CHRNA9: variants seen among roughly 807,000 people sequenced by gnomAD.
CHRNA9 encodes the protein cholinergic receptor nicotinic alpha 9 subunit.
A neutral mutation model predicts 36.8 loss-of-function variants in CHRNA9; 24 were observed. The ratio of observed to expected loss-of-function variants is 0.65; its 90% confidence interval spans 0.47 to 0.92. CHRNA9 has a LOEUF of 0.92. Ranked by LOEUF, CHRNA9 falls within the 40% of genes least tolerant of loss-of-function variation. The probability of loss-of-function intolerance (pLI) is 0.00; values close to 1 mark genes in which losing one functional copy is unlikely to be tolerated. For synonymous variants in CHRNA9, 231 were observed against 231.8 expected (o/e 1.00, Z 0.03); for missense variants, 610 against 601.2 (o/e 1.01, Z -0.15).
At chr4:40,346,566 C>T (rs1305286918) in intron 3 of CHRNA9, among the ~76,000 whole-genome samples, 1 of 152,174 alleles carries the variant, frequency 6.6e-6, no homozygotes, top group Non-Finnish European at 1.5e-5. Context: ...ATTCTCACTT[C>T]TCAGATAGCT....
chr4:40,343,286 G>A (rs916185978), intron 3 of CHRNA9, among the ~76,000 whole-genome samples: 2 of 152,162 alleles, frequency 1.3e-5, no homozygotes, highest in Non-Finnish European at 2.9e-5. Context: ...CCCAAGACTG[G>A]GTAATTTATA....
chr4:40,346,920 C>T (rs967658319), intron 3 of CHRNA9, among the ~76,000 whole-genome samples: 6 of 152,154 alleles, frequency 3.9e-5, no homozygotes, highest in East Asian at 1.9e-4. Context: ...AAGTGATTCT[C>T]TTGCCTCAGC....
intron 3 of CHRNA9, among the ~76,000 whole-genome samples, chr4:40,345,987 T>G (rs1361424638): frequency 1.3e-5 from 2 of 152,232 alleles, no homozygotes; most frequent in Non-Finnish European, 2.9e-5. Context: ...ATGGCGCCAC[T>G]GTACTCCAGC....
Position 40,354,463 on chromosome 4 carries a change from GATT to G in CHRNA9, c.1384_1386del (p.Ile462del). The G allele has an allele frequency of 6.2e-7, 1 of 1,614,114 alleles. No homozygotes were observed. Among genetic ancestry groups the G allele is most frequent in the Non-Finnish European group, 8.5e-7 (1 of 1,179,964 alleles). ...AAGTCATAGACCGATTCTTCATGTGGATTTTTTTCATTATGGTGTTTGTGATGA... is the reference window on the plus strand; with the variant it reads ...AAGTCATAGACCGATTCTTCATGTGGTTTTTCATTATGGTGTTTGTGATGA... On this transcript the variant is annotated inframe_deletion, in exon 5 of 5. Transcript: ENST00000310169.
intron 3 of CHRNA9, chr4:40,347,679 C>T (rs576367830): frequency 6.6e-6 from 1 of 152,250 alleles, no homozygotes; most frequent in East Asian, 1.9e-4. Context: ...CTAATGTTAC[C>T]TCTTACGTAA....
intron 3 of CHRNA9, among the ~76,000 whole-genome samples, chr4:40,343,577 G>GT (rs1712560109): frequency 6.6e-6 from 1 of 152,200 alleles, no homozygotes; most frequent in Non-Finnish European, 1.5e-5. Context: ...TGAGATTTGG[G>GT]TGGGGACACA....
chr4:40,344,356 T>C (rs1319308130), intron 3 of CHRNA9, among the ~76,000 whole-genome samples: 14 of 152,050 alleles, frequency 9.2e-5, no homozygotes, highest in Admixed American at 9.2e-4. Flanking sequence ...CATGGCAAGA[T>C]TCCCGTCTCT....
intron 3 of CHRNA9, among the ~76,000 whole-genome samples, chr4:40,346,519 A>G (rs1408319480): frequency 2.0e-5 from 3 of 152,184 alleles, no homozygotes. Flanking sequence ...GCACCAAGGA[A>G]GTAGGATGGG....
At position 40,354,275 on chromosome 4, in the gene CHRNA9, C is replaced by A. The variant is rs55962300; in HGVS notation, c.1195C>A (p.Arg399Ser). 1 of 1,614,162 alleles carries A rather than the reference C, an allele frequency of 6.2e-7. No homozygotes were observed. Among genetic ancestry groups the A allele is most frequent in the Admixed American group, 1.7e-5 (1 of 60,024 alleles). Residue 399 changes from arginine (R) to serine (S), a missense_variant, in exon 5 of 5, where the codon CGC becomes AGC. Transcript: ENST00000310169. ...DLSRKKDMNK[R>S]LKNDLGCQGK... ...TTCCAGAAAGAAGGACATGAACAAA[C>A]GCTTAAAGAACGACCTGGGCTGCCA...
rs752236042 is a variant in CHRNA9, at chr4:40,354,480, T to C, written c.1400T>C (p.Val467Ala). 33 of 1,613,706 alleles carry C rather than the reference T, an allele frequency of 2.0e-5. No individual in the cohort carries two copies. The highest frequency in any genetic ancestry group is 2.8e-5 in the Non-Finnish European group (33 of 1,179,746). ...TTCATGTGGATTTTTTTCATTATGG[T>C]GTTTGTGATGACTATTTTGATCATA... ...RFFMWIFFIM[V>A]FVMTILIIAR... is the part of the protein sequence containing the mutation. Residue 467 changes from valine to alanine, a missense_variant, in exon 5 of 5, where the codon GTG (valine) becomes GCG (alanine). Val to Ala is a moderately conservative substitution (Grantham distance 64). Coordinates refer to ENST00000310169, the MANE Select transcript of CHRNA9 (RefSeq NM_017581.4).
rs577497723 is a variant in CHRNA9 at position 40,349,077 on chromosome 4, C to T, written c.561C>T (p.Asn187=). Residue 187 remains asparagine (N), a synonymous_variant, in exon 4 of 5, where the codon AAC becomes AAT. Coordinates refer to ENST00000310169, the MANE Select transcript of CHRNA9 (RefSeq NM_017581.4). ...ATGGCAATCAGGTGGACATATTCAA[C>T]GCCTTGGACAGCGGAGATCTCTCTG... ...TYNGNQVDIF[N]ALDSGDLSDF... is the part of the protein sequence containing the mutation. The T allele has an allele frequency of 4.5e-5, 72 of 1,614,148 alleles. No homozygotes were observed. The highest frequency in any genetic ancestry group is 1.3e-4 in the Admixed American group (8 of 60,028).
chr4:40,339,340 A>G (rs1282558702), intron 3 of CHRNA9, among the ~76,000 whole-genome samples: 1 of 150,670 alleles, frequency 6.6e-6, no homozygotes, highest in Non-Finnish European at 1.5e-5. Flanking sequence ...TCATTGACAC[A>G]GATGATCTCT....
Position 40,354,034 on chromosome 4 carries a change from C to A in CHRNA9, c.954C>A (p.Ile318=), listed in dbSNP as rs200583685. 6.2e-7 allele frequency: 1 copy of A among 1,614,050 alleles called. No homozygotes were observed. The highest frequency in any genetic ancestry group is 1.3e-5 in the African/African-American group (1 of 74,948). ...ALITASTALT[I]MVMNIHFCGA... ...TCACAGCCTCCACTGCGTTGACCAT[C>A]ATGGTGATGAATATCCACTTCTGTG... Residue 318 remains isoleucine (I), a synonymous_variant, in exon 5 of 5, where the codon ATC becomes ATA. Transcript: ENST00000310169.
chr4:40,349,689 T>G, intron 4 of CHRNA9: 1 of 361,500 alleles, frequency 2.8e-6, no homozygotes, highest in African/African-American at 2.0e-5. Flanking sequence ...GGTCCCCAGA[T>G]GCACAGCATC....
In CHRNA9 at chr4:40,354,771, A is replaced by T. The variant is rs1457489072; in HGVS notation, c.*251A>T. 3 of 380,072 alleles carry T rather than the reference A, an allele frequency of 7.9e-6. No individual in the cohort carries two copies. The East Asian group carries it at 1.3e-4, about 16-fold the overall frequency. The allele number at this position is 380,072 out of a possible 1,614,324, so 23.5% of individuals were successfully genotyped here. On this transcript the variant is annotated 3_prime_UTR_variant, in exon 5 of 5. Coordinates refer to ENST00000310169, the MANE Select transcript of CHRNA9 (RefSeq NM_017581.4). ...TTATAGCCCACCGTAGTGGTGGGTG[A>T]CTGGCCTCTAGTTTATATAATTATT...
Position 40,354,711 on chromosome 4 carries a change from G to T in CHRNA9, c.*191G>T. The stretch of plus-strand genomic sequence containing the variant: ...TAAGCAGAAGAACCAAAATTTCAAG[G>T]GTAGGAAGATGGAAGAAATAGGGAA... On this transcript the variant is annotated 3_prime_UTR_variant, in exon 5 of 5. Coordinates refer to ENST00000310169, the MANE Select transcript of CHRNA9 (RefSeq NM_017581.4). 1 of 551,650 alleles carries T rather than the reference G, an allele frequency of 1.8e-6. No individual in the cohort carries two copies. The highest frequency in any genetic ancestry group is 2.7e-5 in the South Asian group (1 of 37,590). 34.2% of individuals were successfully genotyped at this position (551,650 alleles called of 1,614,324 possible).
chr4:40,340,654 T>C, intron 3 of CHRNA9, among the ~76,000 whole-genome samples: 1 of 151,952 alleles, frequency 6.6e-6, no homozygotes, highest in East Asian at 1.9e-4. Context: ...GAAATAGGGT[T>C]AGGGGGTAGG....
rs374466261 is a variant in CHRNA9, at chr4:40,349,237, A to G, written c.721A>G (p.Ile241Val). The G allele has an allele frequency of 6.2e-6, 10 of 1,614,002 alleles. No homozygotes were observed. The highest frequency in any genetic ancestry group is 1.7e-5 in the Admixed American group (1 of 59,984). ...TCTGAAGAGGAGGTCCTCGTTCTAT[A>G]TCGTCAACCTCCTCATCCCATGCGT... ...LLLKRRSSFYIVNLLIPCVLI... is the reference protein window; with the variant it reads ...LLLKRRSSFYVVNLLIPCVLI... The change falls in exon 4 of 5, where the codon ATC becomes GTC. Residue 241 changes from isoleucine (I) to valine (V), a missense_variant. Coordinates refer to ENST00000310169, the MANE Select transcript of CHRNA9 (RefSeq NM_017581.4).
rs779283190 is a variant in CHRNA9, at chr4:40,335,448, T to TA, written c.-19dup. 1 of 1,599,240 alleles carries TA rather than the reference T, an allele frequency of 6.3e-7. No homozygotes were observed. Among genetic ancestry groups the TA allele is most frequent in the Non-Finnish European group, 8.6e-7 (1 of 1,166,308 alleles). On this transcript the variant is annotated 5_prime_UTR_variant, in exon 1 of 5. Coordinates refer to ENST00000310169, the MANE Select transcript of CHRNA9 (RefSeq NM_017581.4). ...CCACGCTGCCTGACTGAGACTTTAT[T>TA]ATAGAGGCTCAGGAAAAAGATGAAC...
Sources: allele counts gnomAD v4.1 joint callset (sites outside exome capture counted in the v4.1 genomes callset), GRCh38; gene constraint gnomAD v4.1.1; transcripts MANE v1.5; gene names NCBI Gene and HGNC (gene_info 2026-07-23, HGNC 2026-07-21).